SNED1: variants seen among roughly 807,000 people sequenced by gnomAD.
The protein encoded by SNED1 is sushi, nidogen and EGF-like domain-containing protein 1.
SNED1 carries 81 observed loss-of-function variants against 166.7 expected under a neutral mutation model. That is an observed-to-expected ratio of 0.49 (90% CI 0.41 to 0.58). SNED1 has a LOEUF of 0.58. Ranked by LOEUF, SNED1 falls within the 20% of genes least tolerant of loss-of-function variation. The probability of loss-of-function intolerance (pLI) is 0.00; values close to 1 mark genes in which losing one functional copy is unlikely to be tolerated. For synonymous variants in SNED1, 762 were observed against 822.0 expected (o/e 0.93, Z 1.25); for missense variants, 1,604 against 2,000.2 (o/e 0.80, Z 3.78).
chr2:241,057,380 A>AATATATATATAT lies in SNED1; in HGVS notation c.2257+4075_2257+4086dup, dbSNP rs57902432. 6.0e-3 allele frequency among the ~76,000 whole-genome samples: 703 copies of AATATATATATAT among 117,986 alleles called. 15 individuals are homozygous for AATATATATATAT. The highest frequency in any genetic ancestry group is 0.02 in the African/African-American group (525 of 26,064). The allele number at this position is 117,986 out of a possible 152,430, so 77.4% of individuals were successfully genotyped here. A position where few individuals can be genotyped will look rare whatever the true frequency, so the allele number is the denominator to read the frequency against. On this transcript the variant is annotated intron_variant, in intron 16 of 31. Transcript: ENST00000310397. The stretch of plus-strand genomic sequence containing the variant: ...GGCGACGAGCAAAACTCCATCTCAA[A>AATATATATATAT]ATATATATATATATATATATATATA...
At position 241,071,697 on chromosome 2, in the gene SNED1, C is replaced by G. The variant is rs375264409; in HGVS notation, c.3711C>G (p.Pro1237=). ...ELRLLNDHSA[P]ETPTQPPRFS... is the part of the protein sequence containing the mutation. The stretch of plus-strand genomic sequence containing the variant: ...GCCTGCTCAATGACCACAGCGCCCC[C>G]GAGACCCCCACCCAGCCCCCCAGGT... The change falls in exon 25 of 32, where the codon CCC becomes CCG. Residue 1237 remains proline, a synonymous_variant. Coordinates refer to ENST00000310397, the MANE Select transcript of SNED1 (RefSeq NM_001080437.3). 5.1e-5 allele frequency: 77 copies of G among 1,521,246 alleles called. 1 individual carries two copies. The highest frequency in any genetic ancestry group is 2.9e-4 in the East Asian group (12 of 40,822). 94.2% of individuals were successfully genotyped at this position (1,521,246 alleles called of 1,614,324 possible).
chr2:241,062,840 G>A lies in SNED1; in HGVS notation c.2307G>A (p.Gln769=). Residue 769 remains glutamine (Q), a synonymous_variant, in exon 17 of 32, where the codon CAG becomes CAA. Coordinates refer to ENST00000310397, the MANE Select transcript of SNED1 (RefSeq NM_001080437.3). ...SQPCLHGGSC[Q]DRVAGYLCLC... ...CGTGCCTGCATGGGGGCTCTTGTCA[G>A]GACCGCGTTGCTGGGTACCTGTGCC... is the stretch of plus-strand genomic sequence containing the variant. 6.2e-7 allele frequency: 1 copy of A among 1,611,988 alleles called. No individual in the cohort carries two copies. Among genetic ancestry groups the A allele is most frequent in the Non-Finnish European group, 8.5e-7 (1 of 1,179,248 alleles).
chr2:241,070,452 C>T (rs984510749), intron 24 of SNED1, among the ~76,000 whole-genome samples: 16 of 152,256 alleles, frequency 1.1e-4, no homozygotes, highest in Non-Finnish European at 2.1e-4. Context: ...TTGTGCCGGA[C>T]CCTCCCGTAG....
Position 241,063,649 on chromosome 2 carries a change from G to A in SNED1, c.2434G>A (p.Ala812Thr), listed in dbSNP as rs1260424331. The A allele has an allele frequency of 6.2e-7, 1 of 1,612,402 alleles. No homozygotes were observed. The highest frequency in any genetic ancestry group is 1.3e-5 in the African/African-American group (1 of 74,908). ...AGGGTCCTGCAGGAACCTCCCAGGG[G>A]CCTATGTCTGCCGGTGCCCTGCAGG... The part of the protein sequence containing the change: ...NGGSCRNLPG[A>T]YVCRCPAGFV... Residue 812 changes from alanine (A) to threonine (T), a missense_variant, in exon 18 of 32, where the codon GCC (alanine) becomes ACC (threonine). Coordinates refer to ENST00000310397, the MANE Select transcript of SNED1 (RefSeq NM_001080437.3).
At chr2:241,032,840 C>T (rs1469244565) in intron 2 of SNED1, among the ~76,000 whole-genome samples, 1 of 152,112 alleles carries the variant, frequency 6.6e-6, no homozygotes, top group Non-Finnish European at 1.5e-5. Context: ...GACATTTTTT[C>T]TGTAATACTT....
intron 5 of SNED1, 91 bp from the exon 6 acceptor site, chr2:241,037,149 C>A: frequency 8.4e-7 from 1 of 1,190,118 alleles, no homozygotes. Flanking sequence ...CGGGCTTGCT[C>A]CTCCTCCGTC....
chr2:241,054,108 C>T (rs902958864), intron 16 of SNED1, among the ~76,000 whole-genome samples: 1 of 141,860 alleles, frequency 7.0e-6, no homozygotes, highest in Non-Finnish European at 1.5e-5. Context: ...TGGCTTCAAG[C>T]ATCCCTCCTT....
In SNED1 at chr2:241,064,838, C is replaced by T. The variant is rs2062374109; in HGVS notation, c.2600-6C>T. On this transcript the variant is annotated splice_polypyrimidine_tract_variant and splice_region_variant and intron_variant, in intron 19 of 31. Coordinates refer to ENST00000310397, the MANE Select transcript of SNED1 (RefSeq NM_001080437.3). The surrounding 1 kb of genome is among the most constrained non-coding windows in gnomAD (Gnocchi z 7.0). ...CAACATACACTGCCACTTTTTCTCC[C>T]CTCAGTGAGTGACCCCTGCTTCTCC... 3.2e-6 allele frequency: 5 copies of T among 1,577,992 alleles called. No individual in the cohort carries two copies. The highest frequency in any genetic ancestry group is 4.3e-6 in the Non-Finnish European group (5 of 1,167,438).
chr2:241,032,918 G>T (rs147469998), intron 2 of SNED1, among the ~76,000 whole-genome samples: 2 of 152,142 alleles, frequency 1.3e-5, no homozygotes. Flanking sequence ...TGCTGTATGC[G>T]TTATAAATAG....
chr2:241,028,098 AAT>A (rs1257016454), intron 1 of SNED1, among the ~76,000 whole-genome samples: 3 of 152,176 alleles, frequency 2.0e-5, no homozygotes, highest in African/African-American at 7.2e-5. Flanking sequence ...TCTTTGGAGA[AAT>A]GTCTGTTCAA....
Position 241,064,919 on chromosome 2 carries a change from C to T in SNED1, c.2675C>T (p.Thr892Ile), listed in dbSNP as rs1575033767. The change falls in exon 20 of 32, where the codon ACC (threonine) becomes ATC (isoleucine). Residue 892 changes from threonine (T) to isoleucine (I), a missense_variant. Thr to Ile is a moderately conservative substitution (Grantham distance 89). Transcript: ENST00000310397. This position sits in a 1 kb window ranked among gnomAD's most constrained non-coding sequence, Gnocchi z 7.0. Reference sequence around the variant, plus strand: ...GCCAGCAACGGCTCCCACAGCTGCACCTGCAAAGTGGGCTACACGGGCGAG... The same window carrying T: ...GCCAGCAACGGCTCCCACAGCTGCATCTGCAAAGTGGGCTACACGGGCGAG... Reference protein sequence around the residue: ...CLASNGSHSCTCKVGYTGEDC... With the variant: ...CLASNGSHSCICKVGYTGEDC... 1 of 1,586,634 alleles carries T rather than the reference C, an allele frequency of 6.3e-7. No individual in the cohort carries two copies. Among genetic ancestry groups the T allele is most frequent in the Non-Finnish European group, 8.5e-7 (1 of 1,171,700 alleles).
chr2:241,046,190 T>G (rs1322565304), intron 8 of SNED1, among the ~76,000 whole-genome samples: 1 of 151,590 alleles, frequency 6.6e-6, no homozygotes, highest in Non-Finnish European at 1.5e-5. Flanking sequence ...ACTGGAACTC[T>G]CACACATTTT....
At chr2:241,070,362 T>G (rs996966224) in intron 24 of SNED1, among the ~76,000 whole-genome samples, 161 bp downstream of exon 24, 11 of 152,194 alleles carry the variant, frequency 7.2e-5, no homozygotes, top group African/African-American at 2.6e-4. Flanking sequence ...AAGTGGAGGC[T>G]TTTCAAACCC....
intron 1 of SNED1, among the ~76,000 whole-genome samples, chr2:241,007,697 G>A (rs1353470996): frequency 2.0e-5 from 3 of 152,160 alleles, no homozygotes; most frequent in Admixed American, 6.5e-5. Context: ...CATCTCATAT[G>A]GGTCTCTGTG....
intron 16 of SNED1, among the ~76,000 whole-genome samples, chr2:241,060,882 A>G (rs1016006782): frequency 2.0e-5 from 3 of 152,082 alleles, no homozygotes; most frequent in African/African-American, 7.2e-5. Flanking sequence ...GTGAACTGTG[A>G]TTGCACCGCT....
intron 4 of SNED1, chr2:241,035,691 G>C (rs1017116436): frequency 2.7e-5 from 4 of 147,116 alleles, no homozygotes; most frequent in Admixed American, 2.0e-4. Flanking sequence ...AGATGCGCGC[G>C]CACCACTGTC....
chr2:241,077,575 A>G (rs1333130428), intron 27 of SNED1, among the ~76,000 whole-genome samples: 1 of 152,032 alleles, frequency 6.6e-6, no homozygotes, highest in Non-Finnish European at 1.5e-5. Flanking sequence ...TAAAAAGACA[A>G]ACAACCCAGT....
chr2:241,030,711 C>G (rs906044516), intron 2 of SNED1, 140 bp downstream of exon 2: 54 of 933,748 alleles, frequency 5.8e-5, no homozygotes, highest in Non-Finnish European at 8.7e-5. Flanking sequence ...TGGTCAAAAC[C>G]ACAGAGCCAG....
chr2:241,071,515 G>C, intron 24 of SNED1, 61 bp from the exon 25 acceptor site: 1 of 1,536,654 alleles, frequency 6.5e-7, no homozygotes. Context: ...CATGCCACAG[G>C]GGCAGGGACA....
Sources: gnomAD v4.1 joint callset for allele counts (sites outside exome capture counted in the v4.1 genomes callset) on GRCh38, gnomAD v4.1.1 for gene constraint, Gnocchi (gnomAD v3.1) non-coding constraint, MANE v1.5 for transcripts, NCBI Gene and HGNC (gene_info 2026-07-23, HGNC 2026-07-21) for gene names.